CELF2: variants seen among roughly 807,000 people sequenced by gnomAD.
The protein encoded by CELF2 is CUGBP Elav-like family member 2, also known as CUG triplet repeat RNA-binding protein 2.
A neutral mutation model predicts 62.6 loss-of-function variants in CELF2; 8 were observed. The ratio of observed to expected loss-of-function variants is 0.13; its 90% CI spans 0.07 to 0.23. The LOEUF is 0.23. Among genes scored for constraint, CELF2 ranks in the 10% least tolerant of loss-of-function variants. The pLI, the probability that CELF2 is intolerant of heterozygous loss-of-function variation, is 1.00. For synonymous variants in CELF2, 258 were observed against 250.0 expected (o/e 1.03, Z -0.30); for missense variants, 333 against 671.0 (o/e 0.50, Z 5.56).
chr10:10,690,485 G>C, the CELF2 span, among the ~76,000 whole-genome samples: 6 of 152,224 alleles, frequency 3.9e-5, no homozygotes, highest in South Asian at 1.2e-3. Flanking sequence ...TAAAAGTACA[G>C]AATGAAGGCA....
chr10:10,923,192 G>T (rs2065082085), intron 2 of CELF2: 1 of 152,140 alleles, frequency 6.6e-6, no homozygotes, highest in Admixed American at 6.5e-5. Flanking sequence ...AGTTTTTTCT[G>T]CACTTAGTCA....
chr10:10,639,549 A>T, the CELF2 span, among the ~76,000 whole-genome samples: 1 of 152,182 alleles, frequency 6.6e-6, no homozygotes, highest in East Asian at 1.9e-4. Context: ...CTTTGTTCCA[A>T]CTATGCTTCC....
rs551725948 is a variant in CELF2, at chr10:10,939,442, C to T, written c.89+19443C>T. The stretch of plus-strand genomic sequence containing the variant: ...CTGGGATTATAGGCATAAGCCACCA[C>T]GCCATGATAATTTTTGTATTTTTAG... On this transcript the variant is annotated intron_variant, in intron 2 of 13. Coordinates refer to the CELF2 transcript ENST00000636488. Among the ~76,000 whole-genome samples the T allele has an allele frequency of 3.0e-4, 45 of 152,088 alleles. No individual in the cohort carries two copies. In the South Asian group the frequency reaches 5.0e-3, roughly 17 times the overall value.
At position 11,165,302 on chromosome 10, in the gene CELF2, C is replaced by T. The variant is rs1159865725; in HGVS notation, c.75-184C>T. The T allele has an allele frequency of 2.8e-6, 4 of 1,405,468 alleles. No individual in the cohort carries two copies. The highest frequency in any genetic ancestry group is 3.7e-6 in the Non-Finnish European group (4 of 1,082,506). 87.1% of individuals were successfully genotyped at this position (1,405,468 alleles called of 1,614,324 possible). ...CACGCAGTGAGAGCCTCGCCGCCGC[C>T]GAGGAGCAACTCATGGTGCCTCCGC... On this transcript the variant is annotated intron_variant, in intron 1 of 12. Coordinates refer to ENST00000633077, the MANE Select transcript of CELF2 (RefSeq NM_001326342.2). The surrounding 1 kb of genome is among the most constrained non-coding windows in gnomAD (Gnocchi z 7.4).
At chr10:10,697,400 A>G in the CELF2 span, among the ~76,000 whole-genome samples, 2 of 152,318 alleles carry the variant, frequency 1.3e-5, no homozygotes, top group African/African-American at 2.4e-5. Flanking sequence ...GCACTGCAGC[A>G]TTGCTTAAGG....
rs776176521 is a variant in CELF2 at position 10,928,537 on chromosome 10, T to C, written c.89+8538T>C. 2.0e-5 allele frequency among the ~76,000 whole-genome samples: 3 copies of C among 152,230 alleles called. No individual in the cohort carries two copies. Among genetic ancestry groups the C allele is most frequent in the East Asian group, 1.9e-4 (1 of 5,204 alleles). On this transcript the variant is annotated intron_variant, in intron 2 of 13. Transcript: ENST00000636488. The surrounding 1 kb of genome is among the most constrained non-coding windows in gnomAD (Gnocchi z 4.8). ...ACAGCCATAACATCTATTTATGTGT[T>C]GTCTGTACCATTTTTGTGCTACAAC...
intron 1 of CELF2, among the ~76,000 whole-genome samples, chr10:10,833,047 G>C (rs1450785364): frequency 6.9e-6 from 1 of 145,454 alleles, no homozygotes; most frequent in African/African-American, 2.5e-5. Context: ...GTGTGTGTGT[G>C]TGTGTATTTT....
At chr10:10,559,676 T>C in the CELF2 span, among the ~76,000 whole-genome samples, 6 of 152,284 alleles carry the variant, frequency 3.9e-5, no homozygotes, top group Middle Eastern at 3.4e-3. Flanking sequence ...CCTTTGATAA[T>C]TGTAAGTCAT....
intron 1 of CELF2, among the ~76,000 whole-genome samples, chr10:10,871,917 C>G (rs964401523): frequency 6.6e-6 from 1 of 152,274 alleles, no homozygotes; most frequent in East Asian, 1.9e-4. Context: ...ATTATAGGAG[C>G]TATAATATTG....
the CELF2 span, among the ~76,000 whole-genome samples, chr10:10,759,495 A>T: frequency 1.3e-5 from 2 of 151,682 alleles, no homozygotes; most frequent in Non-Finnish European, 2.9e-5. Context: ...TTTTTAGTAG[A>T]GACAGGGTTT....
chr10:10,758,983 CAG>C, the CELF2 span, among the ~76,000 whole-genome samples: 10 of 152,172 alleles, frequency 6.6e-5, no homozygotes, highest in African/African-American at 2.2e-4. Context: ...TCCTAATTGT[CAG>C]AGAGTCCTCT....
chr10:10,931,375 T>A lies in CELF2; in HGVS notation c.89+11376T>A, dbSNP rs1592077984. 6.6e-6 allele frequency among the ~76,000 whole-genome samples: 1 copy of A among 151,622 alleles called. No individual in the cohort carries two copies. Among genetic ancestry groups the A allele is most frequent in the Non-Finnish European group, 1.5e-5 (1 of 67,962 alleles). On this transcript the variant is annotated intron_variant, in intron 2 of 13. Transcript: ENST00000636488. This position sits in a 1 kb window ranked among gnomAD's most constrained non-coding sequence, Gnocchi z 6.1. ...TGTCATGCTGGCTGGGGGTGGGGGG[T>A]GTAACTTTAAGGAATAATGCCAAGC...
At chr10:10,498,371 G>A in the CELF2 span, among the ~76,000 whole-genome samples, 3 of 152,214 alleles carry the variant, frequency 2.0e-5, no homozygotes, top group South Asian at 2.1e-4. Context: ...GTAGGTGATC[G>A]GGCCAAAACC....
At chr10:11,086,595 A>AAC (rs2046835505) in intron 1 of CELF2, among the ~76,000 whole-genome samples, 1 of 147,952 alleles carries the variant, frequency 6.8e-6, no homozygotes, top group Non-Finnish European at 1.5e-5. Flanking sequence ...AAAAAAAAAA[A>AAC]AAAAAAAAAA....
chr10:10,887,491 C>G lies in CELF2; in HGVS notation c.54-32473C>G, dbSNP rs538926320. Among the ~76,000 whole-genome samples the G allele has an allele frequency of 3.9e-5, 6 of 152,230 alleles. No homozygotes were observed. In the East Asian group the frequency reaches 1.2e-3, roughly 29 times the overall value. Reference sequence around the variant, plus strand: ...CAAAGTTCAATTGAATTGACTAGGCCGCTTGTCCAATTGATTTTGCTTCTG... The same window carrying G: ...CAAAGTTCAATTGAATTGACTAGGCGGCTTGTCCAATTGATTTTGCTTCTG... On this transcript the variant is annotated intron_variant, in intron 1 of 13. Coordinates refer to the CELF2 transcript ENST00000636488.
At chr10:11,086,600 A>AAAAAT (rs2046848291) in intron 1 of CELF2, among the ~76,000 whole-genome samples, 1 of 140,698 alleles carries the variant, frequency 7.1e-6, no homozygotes, top group Non-Finnish European at 1.5e-5. Flanking sequence ...AAAAAAAAAA[A>AAAAAT]AAAAAAAAAA....
the CELF2 span, among the ~76,000 whole-genome samples, chr10:10,491,907 T>C: frequency 6.6e-6 from 1 of 152,164 alleles, no homozygotes; most frequent in Non-Finnish European, 1.5e-5. Flanking sequence ...TCTTTTCTTA[T>C]ACATGAGATC....
the CELF2 span, among the ~76,000 whole-genome samples, chr10:10,585,815 T>C: frequency 6.6e-6 from 1 of 152,324 alleles, no homozygotes; most frequent in South Asian, 2.1e-4. Flanking sequence ...AAAATAGTTT[T>C]CAGTTGCTGG....
At chr10:11,030,978 C>T (rs2060016753) in intron 1 of CELF2, 1 of 152,184 alleles carries the variant, frequency 6.6e-6, no homozygotes, top group African/African-American at 2.4e-5. Flanking sequence ...AAGGTGGACA[C>T]TTATTCTTCA....
Sources: allele counts gnomAD v4.1 joint callset (sites outside exome capture counted in the v4.1 genomes callset), GRCh38; gene constraint gnomAD v4.1.1; non-coding constraint Gnocchi (gnomAD v3.1); transcripts MANE v1.5; gene names NCBI Gene and HGNC (gene_info 2026-07-23, HGNC 2026-07-21).